The following KIAA1671 variants were observed in gnomAD, a reference collection of about 807,000 sequenced individuals.
KIAA1671 encodes uncharacterized protein KIAA1671.
Under a neutral mutation model 131.2 loss-of-function variants are expected in KIAA1671, and 52 were observed. That is an observed-to-expected ratio of 0.40 (90% confidence interval 0.32 to 0.50). KIAA1671 has a LOEUF of 0.50. Ranked by LOEUF, KIAA1671 falls within the 20% of genes least tolerant of loss-of-function variation. KIAA1671 has a pLI of 0.73. For missense variants in KIAA1671, 2,360 were observed against 2,364.2 expected, an observed-to-expected ratio of 1.00 and a Z score of 0.04; for synonymous variants, 1,003 against 961.6, an observed-to-expected ratio of 1.04 and a Z score of -0.80.
intron 1 of KIAA1671, among the ~76,000 whole-genome samples, chr22:24,977,116 G>A (rs563957605): frequency 3.5e-4 from 54 of 152,252 alleles, no homozygotes; most frequent in Non-Finnish European, 7.4e-4. Context: ...GCCCAGTGCC[G>A]GGCATGTTGT....
intron 1 of KIAA1671, among the ~76,000 whole-genome samples, chr22:25,005,108 G>A (rs941801026): frequency 3.3e-5 from 5 of 151,900 alleles, no homozygotes; most frequent in East Asian, 1.9e-4. Flanking sequence ...CCAGCACTTT[G>A]GGAGGCTGAC....
At chr22:25,111,375 AG>A (rs1201616916) in intron 6 of KIAA1671, among the ~76,000 whole-genome samples, 1 of 152,050 alleles carries the variant, frequency 6.6e-6, no homozygotes, top group Non-Finnish European at 1.5e-5. Context: ...GACTTGGGGG[AG>A]AAAAAAATGG....
intron 4 of KIAA1671, among the ~76,000 whole-genome samples, chr22:25,037,416 A>G (rs1339428364): frequency 6.6e-6 from 1 of 151,964 alleles, no homozygotes; most frequent in Non-Finnish European, 1.5e-5. Flanking sequence ...ATGTGTGTAT[A>G]TATATGTGTG....
At chr22:25,018,638 A>G (rs1448475367) in intron 1 of KIAA1671, among the ~76,000 whole-genome samples, 1 of 152,192 alleles carries the variant, frequency 6.6e-6, no homozygotes, top group Non-Finnish European at 1.5e-5. Flanking sequence ...CACCTCATGT[A>G]AATGAAATTA....
chr22:25,020,765 G>A (rs1490299140), intron 1 of KIAA1671, among the ~76,000 whole-genome samples: 5 of 152,218 alleles, frequency 3.3e-5, no homozygotes, highest in African/African-American at 9.7e-5. Context: ...AGGCGAGAAA[G>A]CGTACACTGT....
Position 25,193,325 on chromosome 22 carries a change from A to G in KIAA1671, c.*924A>G, listed in dbSNP as rs1179734609. The G allele has an allele frequency of 6.6e-6, 1 of 152,212 alleles. No individual in the cohort carries two copies. Among genetic ancestry groups the G allele is most frequent in the Non-Finnish European group, 1.5e-5 (1 of 68,054 alleles). 9.4% of individuals were successfully genotyped at this position (152,212 alleles called of 1,614,324 possible). On this transcript the variant is annotated 3_prime_UTR_variant, in exon 13 of 13. Transcript: ENST00000358431. ...CTTTGCCCCTTGGCCTTAAGGGTTC[A>G]TAAACTGCAGCCCAAGTGGTGGTGC...
intron 1 of KIAA1671, chr22:25,010,811 G>T (rs1375243731): frequency 6.6e-6 from 1 of 152,202 alleles, no homozygotes; most frequent in African/African-American, 2.4e-5. Context: ...AAATCAAGAG[G>T]AGAGTAGTTC....
At chr22:25,128,210 A>G (rs1262870688) in intron 6 of KIAA1671, among the ~76,000 whole-genome samples, 3 of 152,202 alleles carry the variant, frequency 2.0e-5, no homozygotes, top group Non-Finnish European at 4.4e-5. Flanking sequence ...TTGTGTGGCA[A>G]GAGCTCTAGG....
chr22:25,153,787 C>G (rs1052763284), intron 6 of KIAA1671, among the ~76,000 whole-genome samples: 2 of 152,184 alleles, frequency 1.3e-5, no homozygotes, highest in African/African-American at 4.8e-5. Flanking sequence ...CTGCAGCATC[C>G]CAGAGGCCTT....
Position 25,028,932 on chromosome 22 carries a change from G to A in KIAA1671, c.933G>A (p.Gly311=). 11 of 1,551,534 alleles carry A rather than the reference G, an allele frequency of 7.1e-6. No homozygotes were observed. Among genetic ancestry groups the A allele is most frequent in the Non-Finnish European group, 8.7e-6 (10 of 1,146,946 alleles). ...VADEGSGPTA[G]DMAGLERPRA... ...ATGAAGGAAGTGGACCCACAGCAGG[G>A]GATATGGCTGGGCTAGAGAGGCCCA... Residue 311 remains glycine (G), a synonymous_variant, in exon 3 of 13, where the codon GGG becomes GGA. Coordinates refer to ENST00000358431, the MANE Select transcript of KIAA1671 (RefSeq NM_001145206.2).
At chr22:25,108,398 T>C (rs1029580663) in intron 6 of KIAA1671, among the ~76,000 whole-genome samples, 1 of 152,172 alleles carries the variant, frequency 6.6e-6, no homozygotes, top group Non-Finnish European at 1.5e-5. Flanking sequence ...TGTTCCTGTT[T>C]CCACTCTGGA....
At chr22:25,008,502 T>G (rs1410102424) in intron 1 of KIAA1671, among the ~76,000 whole-genome samples, 3 of 152,216 alleles carry the variant, frequency 2.0e-5, no homozygotes, top group Non-Finnish European at 2.9e-5. Flanking sequence ...TGGGTAGCAC[T>G]TAATAACACA....
At chr22:25,025,810 A>T (rs990137017) in intron 2 of KIAA1671, 26 bp downstream of exon 2, 2 of 152,172 alleles carry the variant, frequency 1.3e-5, no homozygotes, top group Non-Finnish European at 2.9e-5. Context: ...GCTTGACCCA[A>T]GCTTGAGGGC....
intron 6 of KIAA1671, chr22:25,070,489 C>T (rs1264948954): frequency 1.2e-5 from 5 of 418,930 alleles, no homozygotes; most frequent in Non-Finnish European, 2.2e-5. Flanking sequence ...TTCCTGTCAA[C>T]TTTGCTTTTT....
At chr22:25,117,610 CACACACACACACACACACACACACACAG>C (rs1371409585) in intron 6 of KIAA1671, among the ~76,000 whole-genome samples, 1 of 151,090 alleles carries the variant, frequency 6.6e-6, no homozygotes, top group Non-Finnish European at 1.5e-5. Context: ...CACACACACA[CACACACACACACACACACACACACACAG>C]ACACACTGCT....
Position 25,049,278 on chromosome 22 carries a change from C to T in KIAA1671, c.4444C>T (p.Arg1482Ter), listed in dbSNP as rs1927405432. 6.4e-7 allele frequency: 1 copy of T among 1,551,906 alleles called. No homozygotes were observed. The highest frequency in any genetic ancestry group is 8.7e-7 in the Non-Finnish European group (1 of 1,146,984). ...EKEDAPQEKE[R>*]PLQQVSPVAS... is the part of the protein sequence containing the mutation. ...GGAGGATGCCCCCCAGGAGAAGGAG[C>T]GACCGCTCCAGCAGGTGTCCCCTGT... is the stretch of plus-strand genomic sequence containing the variant. The change falls in exon 6 of 13, where the codon CGA (arginine) becomes TGA (stop). Residue 1482 changes from arginine to a stop codon, truncating the protein, a stop_gained. Coordinates refer to ENST00000358431, the MANE Select transcript of KIAA1671 (RefSeq NM_001145206.2). LOFTEE classifies it high-confidence loss of function.
chr22:25,129,756 G>T (rs1932350430), intron 6 of KIAA1671, among the ~76,000 whole-genome samples: 1 of 151,548 alleles, frequency 6.6e-6, no homozygotes, highest in Non-Finnish European at 1.5e-5. Context: ...AGAACTCCTG[G>T]GTTCAAGGAC....
intron 6 of KIAA1671, among the ~76,000 whole-genome samples, chr22:25,093,824 T>TCTCTTTC (rs1555877745): frequency 4.6e-5 from 1 of 21,922 alleles, no homozygotes; most frequent in Non-Finnish European, 8.3e-5. Flanking sequence ...CTCTCTCTCT[T>TCTCTTTC]TCTCTCTCTG....
At position 25,041,144 on chromosome 22, in the gene KIAA1671, T is replaced by C. The variant is rs569832075; in HGVS notation, c.4014T>C (p.Val1338=). The change falls in exon 5 of 13, where the codon GTT becomes GTC. Residue 1338 remains valine, a synonymous_variant. Coordinates refer to ENST00000358431, the MANE Select transcript of KIAA1671 (RefSeq NM_001145206.2). ...AGGCCTTTGCCAGTAAACATCATGT[T>C]GCAAAGTGTCAGAATTACCTGGCTG... ...DRKAFASKHH[V]AKCQNYLAES... is the part of the protein sequence containing the mutation. The C allele has an allele frequency of 3.2e-5, 49 of 1,551,094 alleles. No homozygotes were observed. The South Asian group carries it at 5.5e-4, about 17-fold the overall frequency.
Sources: gnomAD v4.1 joint callset for allele counts (sites outside exome capture counted in the v4.1 genomes callset) on GRCh38, gnomAD v4.1.1 for gene constraint, MANE v1.5 for transcripts, NCBI Gene and HGNC (gene_info 2026-07-23, HGNC 2026-07-21) for gene names.